The following LDLRAD3 variants were observed in gnomAD, a reference collection of about 807,000 sequenced individuals.
The protein encoded by LDLRAD3 is low density lipoprotein receptor class A domain containing 3.
LDLRAD3 carries 20 observed loss-of-function variants against 29.4 expected under a neutral mutation model. That is an observed-to-expected ratio of 0.68 (90% CI 0.48 to 0.99). LDLRAD3 has a LOEUF of 0.99. Ranked by LOEUF, LDLRAD3 falls within the 50% of genes least tolerant of loss-of-function variation. The pLI, the probability that LDLRAD3 is intolerant of heterozygous loss-of-function variation, is 0.00. For synonymous variants in LDLRAD3, 157 were observed against 192.7 expected (o/e 0.81, Z 1.53); for missense variants, 420 against 454.3 (o/e 0.92, Z 0.69).
At position 36,098,369 on chromosome 11, in the gene LDLRAD3, A is replaced by G; in HGVS notation, c.362A>G (p.Lys121Arg). 1.9e-6 allele frequency: 3 copies of G among 1,614,242 alleles called. No homozygotes were observed. Among genetic ancestry groups the G allele is most frequent in the Non-Finnish European group, 2.5e-6 (3 of 1,180,036 alleles). Residue 121 changes from lysine to arginine, a missense_variant, in exon 4 of 6, where the codon AAG becomes AGG. Physicochemically the swap from Lys to Arg is conservative, Grantham distance 26. This residue lies in a region of LDLRAD3 where 224 missense variants were observed against 222.2 expected (regional missense o/e 1.01). Coordinates refer to ENST00000315571, the MANE Select transcript of LDLRAD3 (RefSeq NM_174902.4). ...LLCSTARYHC[K>R]NGLCIDKSFI... Reference sequence around the variant, plus strand: ...TGCTCCACCGCCCGCTACCACTGCAAGAACGGCCTCTGTATTGACAAGAGC... The same window carrying G: ...TGCTCCACCGCCCGCTACCACTGCAGGAACGGCCTCTGTATTGACAAGAGC...
chr11:36,181,435 A>G (rs1427404656), intron 4 of LDLRAD3, among the ~76,000 whole-genome samples: 1 of 152,106 alleles, frequency 6.6e-6, no homozygotes, highest in African/African-American at 2.4e-5. Flanking sequence ...TAGCTTTATT[A>G]TCCACATTTT....
At chr11:36,024,615 T>C (rs1852139784) in intron 1 of LDLRAD3, among the ~76,000 whole-genome samples, 1 of 152,234 alleles carries the variant, frequency 6.6e-6, no homozygotes, top group African/African-American at 2.4e-5. Context: ...CTTCACTGTC[T>C]GGTTTCCTTG....
intron 4 of LDLRAD3, among the ~76,000 whole-genome samples, chr11:36,223,600 A>C (rs1037063608): frequency 1.3e-5 from 2 of 151,968 alleles, no homozygotes; most frequent in African/African-American, 4.8e-5. Flanking sequence ...TGTGTGACGC[A>C]CCCTTGTAGT....
rs1472256261 is a variant in LDLRAD3 at position 36,080,295 on chromosome 11, G to C, written c.194-1358G>C. Among the ~76,000 whole-genome samples the C allele has an allele frequency of 1.3e-5, 2 of 152,196 alleles. 1 individual carries two copies. The highest frequency in any genetic ancestry group is 2.9e-5 in the Non-Finnish European group (2 of 68,036). On this transcript the variant is annotated intron_variant, in intron 2 of 5. Transcript: ENST00000315571. ...CGGAGCACCAGAACCATTAACGGGA[G>C]AGTACATTACCCCACAGGGCTGTTT...
At chr11:36,009,874 A>G (rs1851933496) in intron 1 of LDLRAD3, among the ~76,000 whole-genome samples, 1 of 152,224 alleles carries the variant, frequency 6.6e-6, no homozygotes, top group Non-Finnish European at 1.5e-5. Flanking sequence ...TGTAACCAGT[A>G]TCAGGAATTC....
rs1854095920 is a variant in LDLRAD3 at position 36,142,170 on chromosome 11, C to G, written c.454+43709C>G. 2.0e-5 allele frequency among the ~76,000 whole-genome samples: 3 copies of G among 152,278 alleles called. No individual in the cohort carries two copies. The South Asian group carries it at 6.2e-4, about 32-fold the overall frequency. On this transcript the variant is annotated intron_variant, in intron 4 of 5. Coordinates refer to ENST00000315571, the MANE Select transcript of LDLRAD3 (RefSeq NM_174902.4). The stretch of plus-strand genomic sequence containing the variant: ...CATCCTTAGCAGCCTCTGTGGACCT[C>G]CATTTGGGACACTCTGAATGCAGTG...
intron 3 of LDLRAD3, among the ~76,000 whole-genome samples, chr11:36,097,929 T>A (rs1378619978): frequency 2.6e-5 from 4 of 152,210 alleles, no homozygotes; most frequent in Non-Finnish European, 2.9e-5. Flanking sequence ...GCCAAAGGCA[T>A]CCCTGTATTA....
At chr11:36,025,571 A>C (rs1852154266) in intron 1 of LDLRAD3, among the ~76,000 whole-genome samples, 1 of 151,626 alleles carries the variant, frequency 6.6e-6, no homozygotes, top group African/African-American at 2.4e-5. Context: ...TGTATTTTTT[A>C]GTAGAGACGG....
chr11:36,183,782 T>G (rs936018544), intron 4 of LDLRAD3, among the ~76,000 whole-genome samples: 2 of 152,178 alleles, frequency 1.3e-5, no homozygotes, highest in Non-Finnish European at 2.9e-5. Flanking sequence ...ATATTTTCTC[T>G]TTTTGTGTCT....
intron 4 of LDLRAD3, among the ~76,000 whole-genome samples, chr11:36,105,236 T>TGAGAGAGAGAGA (rs1392436661): frequency 7.4e-6 from 1 of 135,054 alleles, no homozygotes; most frequent in African/African-American, 2.8e-5. Flanking sequence ...TGTGTGTGTG[T>TGAGAGAGAGAGA]GTGAGAGAGA....
chr11:36,033,799 T>C (rs536301459), intron 1 of LDLRAD3, among the ~76,000 whole-genome samples: 35 of 152,296 alleles, frequency 2.3e-4, no homozygotes, highest in Non-Finnish European at 4.6e-4. Context: ...TTTCATGTTC[T>C]TCTCAGGGTT....
intron 5 of LDLRAD3, among the ~76,000 whole-genome samples, chr11:36,228,360 T>C (rs774530865): frequency 2.6e-5 from 4 of 152,228 alleles, no homozygotes; most frequent in Non-Finnish European, 4.4e-5. Flanking sequence ...AAGTTCCCAC[T>C]CATAACCTCT....
At chr11:36,145,804 G>A (rs12222730) in intron 4 of LDLRAD3, among the ~76,000 whole-genome samples, 1 of 149,704 alleles carries the variant, frequency 6.7e-6, no homozygotes, top group South Asian at 2.2e-4. Flanking sequence ...ATGCTTGAAG[G>A]CAGCATGCTG....
intron 4 of LDLRAD3, among the ~76,000 whole-genome samples, chr11:36,191,406 G>A (rs904527510): frequency 7.9e-5 from 12 of 151,784 alleles, no homozygotes; most frequent in Admixed American, 6.6e-4. Context: ...AGCTGGGCGT[G>A]GTGGTGCTCG....
intron 4 of LDLRAD3, among the ~76,000 whole-genome samples, chr11:36,161,732 C>T (rs1854443255): frequency 6.6e-6 from 1 of 152,188 alleles, no homozygotes. Context: ...TATTTTGCCA[C>T]TAAATTTAGC....
chr11:36,041,852 C>G (rs1852385739), intron 2 of LDLRAD3, among the ~76,000 whole-genome samples: 1 of 147,462 alleles, frequency 6.8e-6, no homozygotes, highest in Non-Finnish European at 1.5e-5. Context: ...AGACCTGGCC[C>G]TTTATGTTTG....
chr11:36,129,019 A>G (rs1360292358), intron 4 of LDLRAD3, among the ~76,000 whole-genome samples: 1 of 152,140 alleles, frequency 6.6e-6, no homozygotes, highest in Non-Finnish European at 1.5e-5. Context: ...GGACAAAGTC[A>G]AGAGATGTCA....
intron 1 of LDLRAD3, among the ~76,000 whole-genome samples, chr11:35,963,024 C>G (rs1851296763): frequency 6.6e-6 from 1 of 152,130 alleles, no homozygotes; most frequent in Admixed American, 6.5e-5. Flanking sequence ...AATGGGAGAA[C>G]AAAGTAGAGT....
intron 4 of LDLRAD3, among the ~76,000 whole-genome samples, chr11:36,199,623 A>G (rs1447869285): frequency 6.6e-6 from 1 of 150,994 alleles, no homozygotes; most frequent in South Asian, 2.1e-4. Flanking sequence ...TTTCTGGCTC[A>G]TTCCAGGTGG....
Sources: allele counts gnomAD v4.1 joint callset (sites outside exome capture counted in the v4.1 genomes callset), GRCh38; gene constraint gnomAD v4.1.1; regional missense constraint gnomAD v4.1.1; transcripts MANE v1.5; gene names NCBI Gene and HGNC (gene_info 2026-07-23, HGNC 2026-07-21).